KCNK2: variants seen among roughly 807,000 people sequenced by gnomAD.
KCNK2 encodes the protein potassium two pore domain channel subfamily K member 2.
Under a neutral mutation model 40.5 loss-of-function variants are expected in KCNK2, and 21 were observed. The ratio of observed to expected loss-of-function variants is 0.52; its 90% confidence interval spans 0.37 to 0.75. The LOEUF is 0.75. KCNK2 is among the 30% of genes least tolerant of loss of function. The probability of loss-of-function intolerance (pLI) is 0.00; values close to 1 mark genes in which losing one functional copy is unlikely to be tolerated. For missense variants in KCNK2, 399 were observed against 531.6 expected (o/e 0.75, Z 2.45); for synonymous variants, 191 against 202.2 (o/e 0.94, Z 0.47).
chr1:215,171,957 C>CAT (rs147357085), intron 4 of KCNK2, 40 bp from the exon 5 acceptor site: 1,888 of 1,200,986 alleles, frequency 1.6e-3, no homozygotes, highest in South Asian at 9.3e-3. Flanking sequence ...CATTTATATA[C>CAT]ATATATATAT....
intron 1 of KCNK2, among the ~76,000 whole-genome samples, chr1:215,061,314 TA>T (rs76167590): frequency 0.012 from 1,844 of 148,066 alleles, 39 homozygotes; most frequent in South Asian, 0.099. Context: ...AGCTTTCATG[TA>T]AAAAAAAAAA....
intron 6 of KCNK2, among the ~76,000 whole-genome samples, chr1:215,221,176 C>A (rs537876082): frequency 2.6e-5 from 4 of 152,344 alleles, no homozygotes; most frequent in Non-Finnish European, 5.9e-5. Context: ...GAGTTTGAGA[C>A]CAGCCTAGCC....
chr1:215,192,486 G>A (rs1281131117), intron 5 of KCNK2, among the ~76,000 whole-genome samples: 7 of 152,164 alleles, frequency 4.6e-5, no homozygotes, highest in Non-Finnish European at 5.9e-5. Flanking sequence ...ATCTGAGCAT[G>A]AACTAACTCT....
upstream of KCNK2, among the ~76,000 whole-genome samples, chr1:215,078,269 G>T (rs1272783091): frequency 6.6e-6 from 1 of 152,204 alleles, no homozygotes; most frequent in Non-Finnish European, 1.5e-5. Flanking sequence ...TGGTGTTCTT[G>T]CTTGGTCAGG....
At chr1:215,036,718 T>C (rs138964576) in intron 1 of KCNK2, among the ~76,000 whole-genome samples, 6 of 151,858 alleles carry the variant, frequency 4.0e-5, no homozygotes, top group East Asian at 1.9e-4. Flanking sequence ...TTTTGTAGTA[T>C]TCAATGTACA....
upstream of KCNK2, chr1:215,005,809 G>A (rs1656106960): frequency 9.8e-6 from 9 of 920,500 alleles, no homozygotes; most frequent in East Asian, 4.9e-5. Flanking sequence ...AGTATGGGAC[G>A]ATGGCTTGTT....
At chr1:215,072,001 A>AT (rs1047230936) in intron 1 of KCNK2, among the ~76,000 whole-genome samples, 14 of 152,286 alleles carry the variant, frequency 9.2e-5, no homozygotes, top group African/African-American at 3.4e-4. Context: ...ATTAATGTTG[A>AT]TTTTTAAAAT....
intron 2 of KCNK2, among the ~76,000 whole-genome samples, chr1:215,089,032 T>C (rs1054322214): frequency 1.3e-5 from 2 of 152,212 alleles, no homozygotes; most frequent in Non-Finnish European, 1.5e-5. Flanking sequence ...ATGCCATGAC[T>C]TCAAGGATCA....
intron 1 of KCNK2, among the ~76,000 whole-genome samples, chr1:215,075,446 C>G (rs1437617533): frequency 2.0e-5 from 3 of 152,162 alleles, no homozygotes; most frequent in Non-Finnish European, 4.4e-5. Context: ...GATATGGACA[C>G]AGTTTCACTA....
In KCNK2 at chr1:215,169,230, C is replaced by G; in HGVS notation, c.507C>G (p.Gly169=). Residue 169 remains glycine (G), a synonymous_variant, in exon 4 of 7, where the codon GGC becomes GGG. Transcript: ENST00000444842. The part of the protein sequence containing the change: ...GFGNISPRTE[G]GKIFCIIYAL... ...GAAACATCTCACCACGCACAGAAGG[C>G]GGCAAAATATTCTGTATCATCTATG... is the stretch of plus-strand genomic sequence containing the variant. The G allele has an allele frequency of 6.2e-7, 1 of 1,609,922 alleles. No homozygotes were observed. Among genetic ancestry groups the G allele is most frequent in the South Asian group, 1.1e-5 (1 of 90,244 alleles).
At position 215,034,778 on chromosome 1, in the gene KCNK2, G is replaced by A. The variant is rs147552749; in HGVS notation, c.34+28823G>A. Among the ~76,000 whole-genome samples the A allele has an allele frequency of 1.1e-3, 174 of 152,054 alleles. 1 individual carries two copies. In the East Asian group the frequency reaches 0.028, roughly 25 times the overall value. On this transcript the variant is annotated intron_variant, in intron 1 of 6. Transcript: ENST00000391895. ...TATTTTTTATCTTTACATTAATATT[G>A]CTTTATCTTTGGACAGAACAAGGGA...
intron 2 of KCNK2, among the ~76,000 whole-genome samples, chr1:215,093,272 C>G (rs896789769): frequency 6.0e-5 from 9 of 148,860 alleles, no homozygotes; most frequent in African/African-American, 2.2e-4. Flanking sequence ...GCCAGACCTC[C>G]AAAGGTTTTA....
intron 2 of KCNK2, among the ~76,000 whole-genome samples, chr1:215,108,250 C>T (rs1003500158): frequency 6.6e-5 from 10 of 152,158 alleles, no homozygotes; most frequent in African/African-American, 2.4e-4. Context: ...GGGTCTGTGG[C>T]TTGGGGGCTG....
chr1:215,119,700 C>T (rs1049178189), intron 2 of KCNK2, among the ~76,000 whole-genome samples: 5 of 152,154 alleles, frequency 3.3e-5, no homozygotes, highest in East Asian at 1.9e-4. Context: ...ATTCCATCTT[C>T]GCTTATCTTA....
intron 6 of KCNK2, among the ~76,000 whole-genome samples, chr1:215,228,718 T>C (rs1666496934): frequency 6.6e-6 from 1 of 152,190 alleles, no homozygotes; most frequent in African/African-American, 2.4e-5. Flanking sequence ...AGCAAAAGTA[T>C]TTTAATGCAC....
intron 3 of KCNK2, among the ~76,000 whole-genome samples, chr1:215,144,304 G>A (rs979564964): frequency 2.0e-5 from 3 of 152,034 alleles, no homozygotes; most frequent in South Asian, 2.1e-4. Context: ...GAGTTTAATC[G>A]ATGCCCCTTA....
At chr1:215,224,880 A>C (rs551538055) in intron 6 of KCNK2, among the ~76,000 whole-genome samples, 15 of 152,244 alleles carry the variant, frequency 9.9e-5, no homozygotes, top group Non-Finnish European at 1.8e-4. Flanking sequence ...TTTTACTGTG[A>C]TATCTGAATC....
chr1:215,008,830 A>G (rs1656277746), intron 1 of KCNK2, among the ~76,000 whole-genome samples: 1 of 152,166 alleles, frequency 6.6e-6, no homozygotes. Flanking sequence ...CTACATGTGC[A>G]GTAAAAAAAT....
At chr1:215,219,290 T>C (rs142534534) in intron 6 of KCNK2, among the ~76,000 whole-genome samples, 2 of 152,346 alleles carry the variant, frequency 1.3e-5, no homozygotes, top group East Asian at 1.9e-4. Context: ...CCTTCATATA[T>C]GTTGCATGTG....
Sources: allele counts gnomAD v4.1 joint callset (sites outside exome capture counted in the v4.1 genomes callset), GRCh38; gene constraint gnomAD v4.1.1; transcripts MANE v1.5; gene names NCBI Gene and HGNC (gene_info 2026-07-23, HGNC 2026-07-21).